The following PRKN variants were observed in gnomAD, a reference collection of about 807,000 sequenced individuals.
PRKN encodes the protein E3 ubiquitin-protein ligase parkin.
In PRKN, 56 loss-of-function variants were observed where a neutral mutation model predicts 59.5. That is an observed-to-expected ratio of 0.94 (90% CI 0.76 to 1.18). The LOEUF (loss-of-function observed/expected upper bound fraction) is 1.18, where lower values mean the gene tolerates loss of function less well. Among genes scored for constraint, PRKN ranks in the 50% most tolerant of loss-of-function variants. The pLI is 0.00. For synonymous variants in PRKN, 250 were observed against 222.1 expected (o/e 1.13, Z -1.12); for missense variants, 657 against 596.4 (o/e 1.10, Z -1.06).
In PRKN at chr6:161,996,424, T is replaced by C. The variant is rs559018555; in HGVS notation, c.619-23007A>G. ...AGCCAGCAGTATCTACATACTTTAC[T>C]TTAAACCCCGCTTATTTTCTTTTTG... On this transcript the variant is annotated intron_variant, in intron 5 of 11. Coordinates refer to ENST00000366898, the MANE Select transcript of PRKN (RefSeq NM_004562.3). 7.9e-5 allele frequency among the ~76,000 whole-genome samples: 12 copies of C among 152,304 alleles called. No homozygotes were observed. The East Asian group carries it at 2.3e-3, about 29-fold the overall frequency.
intron 1 of PRKN, among the ~76,000 whole-genome samples, chr6:162,646,481 G>A (rs955222521): frequency 1.3e-5 from 2 of 151,618 alleles, no homozygotes; most frequent in African/African-American, 4.8e-5. Context: ...TGCAGGTCTC[G>A]ATATGTTGCC....
At chr6:162,075,233 A>G (rs972610266) in intron 4 of PRKN, among the ~76,000 whole-genome samples, 12 of 152,190 alleles carry the variant, frequency 7.9e-5, no homozygotes, top group African/African-American at 2.7e-4. Flanking sequence ...CATCATATAA[A>G]GATTCATAGT....
chr6:162,713,265 C>T (rs981599999), intron 1 of PRKN, among the ~76,000 whole-genome samples: 2 of 152,078 alleles, frequency 1.3e-5, no homozygotes, highest in African/African-American at 2.4e-5. Context: ...GAGACCGAGG[C>T]GGGCGGATCA....
intron 2 of PRKN, among the ~76,000 whole-genome samples, chr6:162,302,195 T>C (rs1781991417): frequency 1.3e-5 from 2 of 152,044 alleles, no homozygotes; most frequent in Non-Finnish European, 2.9e-5. Context: ...CTTCATAACC[T>C]CACACCTGAA....
At chr6:162,661,767 A>G (rs933947220) in intron 1 of PRKN, among the ~76,000 whole-genome samples, 6 of 152,244 alleles carry the variant, frequency 3.9e-5, no homozygotes, top group African/African-American at 1.4e-4. Context: ...GAAGCAGAAA[A>G]AAAGGCACAG....
intron 7 of PRKN, among the ~76,000 whole-genome samples, chr6:161,705,252 C>T (rs1176346176): frequency 6.6e-6 from 1 of 152,182 alleles, no homozygotes; most frequent in Non-Finnish European, 1.5e-5. Flanking sequence ...ACCTAACCCA[C>T]CGAACATCAC....
intron 7 of PRKN, among the ~76,000 whole-genome samples, chr6:161,644,528 T>C (rs533425705): frequency 6.6e-6 from 1 of 152,380 alleles, no homozygotes; most frequent in South Asian, 2.1e-4. Flanking sequence ...CATCTTTCCC[T>C]GCCCTTAGTT....
At chr6:161,801,661 G>A (rs927013351) in intron 6 of PRKN, among the ~76,000 whole-genome samples, 5 of 152,044 alleles carry the variant, frequency 3.3e-5, no homozygotes, top group African/African-American at 9.7e-5. Context: ...ATAATCGAAC[G>A]GGCCTTAGAT....
chr6:162,148,957 G>T (rs1027255898), intron 4 of PRKN, among the ~76,000 whole-genome samples: 12 of 152,126 alleles, frequency 7.9e-5, no homozygotes, highest in Non-Finnish European at 1.3e-4. Flanking sequence ...CATATGTGTG[G>T]CCAGGGTGGG....
intron 3 of PRKN, among the ~76,000 whole-genome samples, chr6:162,248,483 G>A (rs1421237486): frequency 6.6e-6 from 1 of 152,044 alleles, no homozygotes; most frequent in Non-Finnish European, 1.5e-5. Context: ...ACAGGCCTGG[G>A]GTTGTATCTT....
chr6:162,047,905 A>G (rs375925630), intron 5 of PRKN, among the ~76,000 whole-genome samples: 19 of 152,272 alleles, frequency 1.2e-4, no homozygotes, highest in African/African-American at 4.6e-4. Flanking sequence ...TAAGAGGGGG[A>G]AAGTGTGAAA....
At chr6:162,351,101 G>C (rs1784605738) in intron 2 of PRKN, among the ~76,000 whole-genome samples, 1 of 152,112 alleles carries the variant, frequency 6.6e-6, no homozygotes, top group Non-Finnish European at 1.5e-5. Context: ...GAGATGGGAG[G>C]ATCACTTGAG....
At chr6:161,887,852 C>T (rs1266453581) in intron 6 of PRKN, among the ~76,000 whole-genome samples, 1 of 152,024 alleles carries the variant, frequency 6.6e-6, no homozygotes. Flanking sequence ...ATAGAAATAT[C>T]TTTTTTATAA....
intron 2 of PRKN, among the ~76,000 whole-genome samples, chr6:162,407,337 T>C (rs1001733858): frequency 2.0e-5 from 3 of 152,218 alleles, no homozygotes; most frequent in Non-Finnish European, 4.4e-5. Context: ...ATTTTCAGTT[T>C]AGCCTTTCAT....
At chr6:162,018,681 T>C (rs1783020459) in intron 5 of PRKN, among the ~76,000 whole-genome samples, 1 of 152,190 alleles carries the variant, frequency 6.6e-6, no homozygotes, top group Non-Finnish European at 1.5e-5. Flanking sequence ...TGCTCAGCTT[T>C]TTATAATAAT....
chr6:161,864,969 A>G (rs1794056377), intron 6 of PRKN, among the ~76,000 whole-genome samples: 1 of 152,078 alleles, frequency 6.6e-6, no homozygotes, highest in African/African-American at 2.4e-5. Context: ...AAGGTTTTCA[A>G]TGTATTTTGC....
chr6:162,414,371 G>A (rs1788501331), intron 2 of PRKN, among the ~76,000 whole-genome samples: 1 of 151,958 alleles, frequency 6.6e-6, no homozygotes, highest in Non-Finnish European at 1.5e-5. Context: ...GTTAGGACAA[G>A]GCATCATTGT....
intron 2 of PRKN, among the ~76,000 whole-genome samples, chr6:162,392,001 A>T (rs569348514): frequency 1.3e-5 from 2 of 151,554 alleles, no homozygotes; most frequent in Non-Finnish European, 2.9e-5. Context: ...ATGTATTTTA[A>T]CATTCTTCAC....
At chr6:162,108,931 TA>T (rs1304983532) in intron 4 of PRKN, among the ~76,000 whole-genome samples, 2 of 152,158 alleles carry the variant, frequency 1.3e-5, no homozygotes, top group Non-Finnish European at 2.9e-5. Flanking sequence ...TCAGTGGTGT[TA>T]AAAAGCAATG....
Sources: allele counts gnomAD v4.1 joint callset (sites outside exome capture counted in the v4.1 genomes callset), GRCh38; gene constraint gnomAD v4.1.1; transcripts MANE v1.5; gene names NCBI Gene and HGNC (gene_info 2026-07-23, HGNC 2026-07-21).